The following PDPN variants were observed in gnomAD, a reference collection of about 807,000 sequenced individuals.
PDPN encodes podoplanin, also known as PA2.26 antigen.
PDPN carries 12 observed loss-of-function variants against 23.2 expected under a neutral mutation model. That is an observed-to-expected ratio of 0.52 (90% confidence interval 0.33 to 0.84). The LOEUF (loss-of-function observed/expected upper bound fraction) is 0.84, where lower values mean the gene tolerates loss of function less well. PDPN is among the 40% of genes least tolerant of loss of function. The pLI is 0.02. For synonymous variants in PDPN, 77 were observed against 76.7 expected, an observed-to-expected ratio of 1.00 and a Z score of -0.02; for missense variants, 199 against 212.2, an observed-to-expected ratio of 0.94 and a Z score of 0.39.
rs200569919 is a variant in PDPN, at chr1:13,617,811, C to CT, written c.*1901dup. 1.3e-5 allele frequency: 2 copies of CT among 151,672 alleles called. No homozygotes were observed. The highest frequency in any genetic ancestry group is 2.1e-4 in the South Asian group (1 of 4,820). 9.4% of individuals were successfully genotyped at this position (151,672 alleles called of 1,614,324 possible). On this transcript the variant is annotated 3_prime_UTR_variant, in exon 6 of 6. Coordinates refer to ENST00000621990, the MANE Select transcript of PDPN (RefSeq NM_006474.5). ...TTTCTTTCCTATCCTTTCTTCCCCCCTCACTGTGAAAAATAACAGTCCACC... is the reference window on the plus strand; with the variant it reads ...TTTCTTTCCTATCCTTTCTTCCCCCCTTCACTGTGAAAAATAACAGTCCACC...
At chr1:13,602,806 G>C (rs1318181317) in intron 1 of PDPN, among the ~76,000 whole-genome samples, 5 of 152,038 alleles carry the variant, frequency 3.3e-5, no homozygotes, top group African/African-American at 1.2e-4. Context: ...TGACTCAGGT[G>C]ATCCACCCGT....
chr1:13,606,969 G>T (rs1156606020), intron 1 of PDPN, among the ~76,000 whole-genome samples: 2 of 152,204 alleles, frequency 1.3e-5, no homozygotes, highest in East Asian at 3.9e-4. Context: ...CTTTGCAACG[G>T]AGATAACCAG....
intron 1 of PDPN, among the ~76,000 whole-genome samples, chr1:13,604,102 A>G (rs1640719213): frequency 6.6e-6 from 1 of 152,184 alleles, no homozygotes; most frequent in African/African-American, 2.4e-5. Context: ...TCGTCACTCT[A>G]CACTTGTAGA....
rs1242907116 is a variant in PDPN, at chr1:13,616,021, T to A, written c.*110T>A. The A allele has an allele frequency of 2.9e-6, 3 of 1,043,046 alleles. No individual in the cohort carries two copies. The highest frequency in any genetic ancestry group is 2.4e-5 in the East Asian group (1 of 42,184). The allele number at this position is 1,043,046 out of a possible 1,614,324, so 64.6% of individuals were successfully genotyped here. ...GAAGATGACCCGTGGAACACTTGCC[T>A]GGCCCACTCAGAATCCACGGTGACC... is the stretch of plus-strand genomic sequence containing the variant. On this transcript the variant is annotated 3_prime_UTR_variant, in exon 6 of 6. Coordinates refer to ENST00000621990, the MANE Select transcript of PDPN (RefSeq NM_006474.5).
intron 1 of PDPN, among the ~76,000 whole-genome samples, chr1:13,603,244 G>T (rs542600400): frequency 6.6e-6 from 1 of 152,000 alleles, no homozygotes; most frequent in Non-Finnish European, 1.5e-5. Flanking sequence ...TTAGCTGGGC[G>T]TGGTGGTGCA....
chr1:13,616,315 C>T lies in PDPN; in HGVS notation c.*404C>T, dbSNP rs761016256. ...AGGAATCTGGAAATATTTATATCCA[C>T]GGAGTCCTTGGATCCAGTGCTACGT... On this transcript the variant is annotated 3_prime_UTR_variant, in exon 6 of 6. Coordinates refer to ENST00000621990, the MANE Select transcript of PDPN (RefSeq NM_006474.5). 53 of 233,556 alleles carry T rather than the reference C, an allele frequency of 2.3e-4. 1 individual carries two copies. Among genetic ancestry groups the T allele is most frequent in the Admixed American group, 1.2e-3 (23 of 19,408 alleles). 14.5% of individuals were successfully genotyped at this position (233,556 alleles called of 1,614,324 possible). A position where few individuals can be genotyped will look rare whatever the true frequency, so the allele number is the denominator to read the frequency against.
At position 13,617,330 on chromosome 1, in the gene PDPN, G is replaced by C. The variant is rs1050566693; in HGVS notation, c.*1419G>C. The C allele has an allele frequency of 6.6e-6, 1 of 152,122 alleles. No individual in the cohort carries two copies. Among genetic ancestry groups the C allele is most frequent in the Non-Finnish European group, 1.5e-5 (1 of 68,014 alleles). 9.4% of individuals were successfully genotyped at this position (152,122 alleles called of 1,614,324 possible). On this transcript the variant is annotated 3_prime_UTR_variant, in exon 6 of 6. Transcript: ENST00000621990. The stretch of plus-strand genomic sequence containing the variant: ...CTCCCATTTTTTGCAATGATGTCTG[G>C]ATGTTATTTTAAACAGTGTGTCTGT...
Position 13,583,914 on chromosome 1 carries a change from C to T in PDPN, c.-120C>T, listed in dbSNP as rs1186288905. 1 of 1,612,338 alleles carries T rather than the reference C, an allele frequency of 6.2e-7. No homozygotes were observed. The highest frequency in any genetic ancestry group is 8.5e-7 in the Non-Finnish European group (1 of 1,179,146). ...CTCCGGGGCTCCTGCTCCCACCCCT[C>T]CGGCCCCCCCACCGTCGCGCTCCTC... On this transcript the variant is annotated 5_prime_UTR_variant, in exon 1 of 6. Coordinates refer to ENST00000621990, the MANE Select transcript of PDPN (RefSeq NM_006474.5).
chr1:13,615,343 T>C (rs934048966), intron 5 of PDPN, among the ~76,000 whole-genome samples: 2 of 150,486 alleles, frequency 1.3e-5, no homozygotes, highest in Non-Finnish European at 3.0e-5. Context: ...CTGGATGGAG[T>C]AGTGCGATCT....
In PDPN at chr1:13,583,932, CGCTCCTCCAG is replaced by C; in HGVS notation, c.-98_-89del. 1 of 1,613,356 alleles carries C rather than the reference CGCTCCTCCAG, an allele frequency of 6.2e-7. No homozygotes were observed. Among genetic ancestry groups the C allele is most frequent in the Non-Finnish European group, 8.5e-7 (1 of 1,179,806 alleles). ...CACCCCTCCGGCCCCCCCACCGTCG[CGCTCCTCCAG>C]GCTGGGCCTGTGGCCGCGGTGCTTT... On this transcript the variant is annotated 5_prime_UTR_variant, in exon 1 of 6. Transcript: ENST00000621990.
chr1:13,593,420 C>T (rs989025444), intron 1 of PDPN, among the ~76,000 whole-genome samples: 2 of 152,122 alleles, frequency 1.3e-5, no homozygotes, highest in Non-Finnish European at 2.9e-5. Context: ...TGAATTTCCC[C>T]TACATTAGAA....
chr1:13,598,098 T>C (rs1269181), intron 1 of PDPN, among the ~76,000 whole-genome samples: 60,901 of 151,720 alleles, frequency 0.4, 12,273 homozygotes, highest in South Asian at 0.46. Flanking sequence ...TCACTGCAAC[T>C]TCTACCTCCC....
In PDPN at chr1:13,595,947, C is replaced by T. The variant is rs966989525; in HGVS notation, c.68-11226C>T. On this transcript the variant is annotated intron_variant, in intron 1 of 5. Coordinates refer to ENST00000621990, the MANE Select transcript of PDPN (RefSeq NM_006474.5). ...GTGCAGTGGCTCACAACTGTAATCC[C>T]AGGACTTTGGGAGGCTGAGGCGGGC... is the stretch of plus-strand genomic sequence containing the variant. 4.3e-6 allele frequency: 5 copies of T among 1,162,918 alleles called. No individual in the cohort carries two copies. In the African/African-American group the frequency reaches 7.9e-5, roughly 18 times the overall value. The allele number at this position is 1,162,918 out of a possible 1,614,324, so 72.0% of individuals were successfully genotyped here. A position where few individuals can be genotyped will look rare whatever the true frequency, so the allele number is the denominator to read the frequency against.
At chr1:13,598,871 C>A (rs188782289) in intron 1 of PDPN, among the ~76,000 whole-genome samples, 1 of 152,210 alleles carries the variant, frequency 6.6e-6, no homozygotes, top group Non-Finnish European at 1.5e-5. Flanking sequence ...GATGAGGCAG[C>A]CTTTATCAAG....
intron 5 of PDPN, among the ~76,000 whole-genome samples, chr1:13,614,688 G>A (rs933391236): frequency 1.3e-5 from 2 of 152,318 alleles, no homozygotes; most frequent in South Asian, 2.1e-4. Context: ...TTGAGAGGCT[G>A]AGGCAGGAGG....
intron 1 of PDPN, among the ~76,000 whole-genome samples, chr1:13,600,173 T>C (rs1378957106): frequency 6.6e-6 from 1 of 152,020 alleles, no homozygotes; most frequent in Non-Finnish European, 1.5e-5. Flanking sequence ...AAGATGAGGA[T>C]GGCACCTGGG....
chr1:13,615,973 G>GCCCTGTC lies in PDPN; in HGVS notation c.*65_*71dup. 6.5e-7 allele frequency: 1 copy of GCCCTGTC among 1,529,212 alleles called. No homozygotes were observed. Among genetic ancestry groups the GCCCTGTC allele is most frequent in the East Asian group, 2.3e-5 (1 of 44,444 alleles). The allele number at this position is 1,529,212 out of a possible 1,614,324, so 94.7% of individuals were successfully genotyped here. A position where few individuals can be genotyped will look rare whatever the true frequency, so the allele number is the denominator to read the frequency against. On this transcript the variant is annotated 3_prime_UTR_variant, in exon 6 of 6. Transcript: ENST00000621990. ...AAAAAAAGACCGTTTCTGACTCTGTGCCCTGTCCCTGAGCTCGTGGGAGAA... is the reference window on the plus strand; with the variant it reads ...AAAAAAAGACCGTTTCTGACTCTGTGCCCTGTCCCCTGTCCCTGAGCTCGTGGGAGAA...
chr1:13,607,368 A>G (rs1640818163), intron 2 of PDPN, 62 bp downstream of exon 2: 1 of 1,264,382 alleles, frequency 7.9e-7, no homozygotes, highest in Admixed American at 2.4e-5. Context: ...CAAGGCTATG[A>G]TGTATATTAA....
intron 2 of PDPN, among the ~76,000 whole-genome samples, chr1:13,608,863 G>A (rs183455045): frequency 3.9e-5 from 6 of 151,984 alleles, no homozygotes; most frequent in South Asian, 2.1e-4. Context: ...CAGTTTTGGC[G>A]GGAAGAGTCG....
Sources: gnomAD v4.1 joint callset for allele counts (sites outside exome capture counted in the v4.1 genomes callset) on GRCh38, gnomAD v4.1.1 for gene constraint, MANE v1.5 for transcripts, NCBI Gene and HGNC (gene_info 2026-07-23, HGNC 2026-07-21) for gene names.